MAP3K1: variants seen among roughly 807,000 people sequenced by gnomAD.
MAP3K1 encodes the protein MAP/ERK kinase kinase 1.
A neutral mutation model predicts 144.2 loss-of-function variants in MAP3K1; 36 were observed. The ratio of observed to expected loss-of-function variants is 0.25; its 90% CI spans 0.19 to 0.33. The LOEUF (loss-of-function observed/expected upper bound fraction) is 0.33, where lower values mean the gene tolerates loss of function less well. MAP3K1 is among the 10% of genes least tolerant of loss of function. The pLI is 1.00. For synonymous variants in MAP3K1, 718 were observed against 688.7 expected (o/e 1.04, Z -0.67); for missense variants, 1,650 against 1,881.9 (o/e 0.88, Z 2.28).
At chr5:56,873,144 T>C (rs1256523246) in intron 9 of MAP3K1, 139 bp downstream of exon 9, 23 of 791,038 alleles carry the variant, frequency 2.9e-5, no homozygotes, top group Admixed American at 7.0e-5. Context: ...CACTGGAAAT[T>C]TTAATGTTAC....
At chr5:56,838,009 A>G (rs765596982) in intron 1 of MAP3K1, among the ~76,000 whole-genome samples, 2 of 152,192 alleles carry the variant, frequency 1.3e-5, no homozygotes, top group African/African-American at 2.4e-5. Flanking sequence ...GGAAAACTAG[A>G]TAAACTAGGG....
Position 56,893,516 on chromosome 5 carries a change from G to T in MAP3K1, c.4390-15G>T, listed in dbSNP as rs768977187. Reference sequence around the variant, plus strand: ...ACAGTTGTGCAAAGCTTCAACACTGGCTTTTTCTCCACAGATTGCTAGTGC... The same window carrying T: ...ACAGTTGTGCAAAGCTTCAACACTGTCTTTTTCTCCACAGATTGCTAGTGC... On this transcript the variant is annotated splice_polypyrimidine_tract_variant and intron_variant, in intron 19 of 19. Transcript: ENST00000399503. The T allele has an allele frequency of 6.8e-6, 11 of 1,613,414 alleles. No homozygotes were observed. In the African/African-American group the frequency reaches 1.5e-4, roughly 22 times the overall value.
intron 14 of MAP3K1, among the ~76,000 whole-genome samples, chr5:56,883,173 A>C (rs962346556): frequency 2.6e-5 from 4 of 152,238 alleles, no homozygotes; most frequent in African/African-American, 7.2e-5. Context: ...CCTGAATGAC[A>C]GAGCAAGACA....
At chr5:56,861,658 A>G (rs1215419798) in intron 3 of MAP3K1, among the ~76,000 whole-genome samples, 1 of 151,904 alleles carries the variant, frequency 6.6e-6, no homozygotes, top group East Asian at 1.9e-4. Flanking sequence ...TCTTTCATAT[A>G]CTTTAATCAA....
Position 56,894,666 on chromosome 5 carries a change from T to G in MAP3K1, c.*986T>G, listed in dbSNP as rs1269589084. The stretch of plus-strand genomic sequence containing the variant: ...ACTTCACAACATTTAAGTCTTACTC[T>G]GTATGTAACAATCCATCATTCACCT... On this transcript the variant is annotated 3_prime_UTR_variant, in exon 20 of 20. Transcript: ENST00000399503. 1 of 232,324 alleles carries G rather than the reference T, an allele frequency of 4.3e-6. No homozygotes were observed. Among genetic ancestry groups the G allele is most frequent in the Non-Finnish European group, 8.5e-6 (1 of 117,570 alleles). 14.4% of individuals were successfully genotyped at this position (232,324 alleles called of 1,614,324 possible).
chr5:56,820,687 T>C (rs1746128468), intron 1 of MAP3K1: 2 of 985,276 alleles, frequency 2.0e-6, no homozygotes, highest in African/African-American at 1.7e-5. Context: ...AGAGAAACTT[T>C]TACTATTGCT....
intron 1 of MAP3K1, chr5:56,851,953 A>G (rs1031750256): frequency 2.6e-5 from 4 of 152,188 alleles, no homozygotes; most frequent in East Asian, 1.9e-4. Flanking sequence ...ACTTAAACAT[A>G]TACTTAATTT....
chr5:56,822,144 C>T (rs1383679552), intron 1 of MAP3K1, among the ~76,000 whole-genome samples: 2 of 152,116 alleles, frequency 1.3e-5, no homozygotes, highest in African/African-American at 2.4e-5. Context: ...CCTAGCCTCC[C>T]GAGTAGCTTG....
Position 56,815,987 on chromosome 5 carries a change from C to G in MAP3K1, c.414C>G (p.Pro138=). Residue 138 remains proline (P), a synonymous_variant, in exon 1 of 20, where the codon CCC becomes CCG. Transcript: ENST00000399503. ...CGCCGGACAGCGGCGCCTCGAGTCC[C>G]GCAGCGGCCGAGCCCGGGGAGAAGC... is the stretch of plus-strand genomic sequence containing the variant. ...VAAPDSGASS[P]AAAEPGEKRA... is the part of the protein sequence containing the mutation. 1 of 1,247,928 alleles carries G rather than the reference C, an allele frequency of 8.0e-7. No individual in the cohort carries two copies. The allele number at this position is 1,247,928 out of a possible 1,614,324, so 77.3% of individuals were successfully genotyped here. A position where few individuals can be genotyped will look rare whatever the true frequency, so the allele number is the denominator to read the frequency against.
At chr5:56,860,060 G>C in intron 3 of MAP3K1, 145 bp downstream of exon 3, 2 of 761,108 alleles carry the variant, frequency 2.6e-6, no homozygotes, top group South Asian at 1.6e-5. Flanking sequence ...GGTGGTTCCT[G>C]AGACCCTTTC....
At chr5:56,832,123 G>T (rs1481732027) in intron 1 of MAP3K1, among the ~76,000 whole-genome samples, 1 of 152,082 alleles carries the variant, frequency 6.6e-6, no homozygotes, top group African/African-American at 2.4e-5. Context: ...CCTCATCTAT[G>T]AATTAGAAAT....
intron 17 of MAP3K1, 115 bp downstream of exon 17, chr5:56,886,178 T>C: frequency 2.5e-6 from 2 of 813,420 alleles, no homozygotes; most frequent in Non-Finnish European, 4.1e-6. Flanking sequence ...TGAAGGCAGG[T>C]GGATCACTTG....
At chr5:56,871,862 A>G in intron 6 of MAP3K1, 48 bp from the exon 7 acceptor site, 1 of 1,587,218 alleles carries the variant, frequency 6.3e-7, no homozygotes, top group East Asian at 2.2e-5. Context: ...TATCCGTTCT[A>G]CTTTATATTC....
chr5:56,816,076 C>G, intron 1 of MAP3K1, 21 bp downstream of exon 1: 1 of 1,207,696 alleles, frequency 8.3e-7, no homozygotes, highest in Non-Finnish European at 1.0e-6. Context: ...CGGCCGGGGT[C>G]GCGGCGGGGA....
Position 56,875,110 on chromosome 5 carries a change from C to T in MAP3K1, c.1765C>T (p.His589Tyr), listed in dbSNP as rs2111920594. The T allele has an allele frequency of 1.2e-6, 2 of 1,614,142 alleles. No homozygotes were observed. Among genetic ancestry groups the T allele is most frequent in the Non-Finnish European group, 1.7e-6 (2 of 1,180,020 alleles). ...AGAGATGGCCCTCAGGCGTCTTTCC[C>T]ATGATGTCAGTGGGGCCCTGCTGTT... ...VREMALRRLS[H>Y]DVSGALLLAN... The change falls in exon 10 of 20, where the codon CAT becomes TAT. Residue 589 changes from histidine (H) to tyrosine (Y), a missense_variant. This residue lies in a region of MAP3K1 where 841 missense variants were observed against 886.5 expected (regional missense o/e 0.95). Transcript: ENST00000399503.
At chr5:56,880,860 T>G in intron 12 of MAP3K1, 58 bp downstream of exon 12, 1 of 1,375,482 alleles carries the variant, frequency 7.3e-7, no homozygotes, top group South Asian at 1.2e-5. Context: ...CTGAGCAGCC[T>G]TGTCTAATCT....
chr5:56,885,161 A>G (rs1009944362), intron 16 of MAP3K1, among the ~76,000 whole-genome samples: 11 of 152,336 alleles, frequency 7.2e-5, no homozygotes, highest in African/African-American at 2.2e-4. Context: ...TAACATAACA[A>G]TATACAAACA....
At chr5:56,864,089 G>A (rs969415232) in intron 3 of MAP3K1, among the ~76,000 whole-genome samples, 1 of 152,104 alleles carries the variant, frequency 6.6e-6, no homozygotes, top group African/African-American at 2.4e-5. Context: ...ACAGCATTCT[G>A]CCTGCTTATG....
intron 1 of MAP3K1, among the ~76,000 whole-genome samples, chr5:56,841,452 A>G (rs1157651608): frequency 6.6e-6 from 1 of 152,172 alleles, no homozygotes; most frequent in Non-Finnish European, 1.5e-5. Flanking sequence ...GAGTTAGTAC[A>G]AGGGGTCTGC....
Sources: allele counts gnomAD v4.1 joint callset (sites outside exome capture counted in the v4.1 genomes callset), GRCh38; gene constraint gnomAD v4.1.1; regional missense constraint gnomAD v4.1.1; transcripts MANE v1.5; gene names NCBI Gene and HGNC (gene_info 2026-07-23, HGNC 2026-07-21).